The following MTA2 variants were observed in gnomAD, a reference collection of about 807,000 sequenced individuals.
The protein encoded by MTA2 is metastasis-associated protein MTA2.
MTA2 carries 22 observed loss-of-function variants against 87.1 expected under a neutral mutation model. The observed-to-expected ratio is 0.25, with a 90% CI of 0.18 to 0.36. MTA2 has a LOEUF of 0.36. Ranked by LOEUF, MTA2 falls within the 10% of genes least tolerant of loss-of-function variation. The pLI is 1.00. For synonymous variants in MTA2, 314 were observed against 310.1 expected, an observed-to-expected ratio of 1.01 and a Z score of -0.13; for missense variants, 542 against 853.2, an observed-to-expected ratio of 0.64 and a Z score of 4.54.
intron 15 of MTA2, 138 bp from the exon 16 acceptor site, chr11:62,594,772 C>G: frequency 1.1e-6 from 1 of 880,930 alleles, no homozygotes; most frequent in South Asian, 1.6e-5. Flanking sequence ...GGCAAGCTAT[C>G]ACTAGTATTT....
intron 15 of MTA2, 119 bp downstream of exon 15, chr11:62,594,862 C>T (rs1261963769): frequency 3.0e-6 from 3 of 985,262 alleles, no homozygotes; most frequent in African/African-American, 3.3e-5. Context: ...AACAAAAGTA[C>T]AGTTTGTTAG....
intron 1 of MTA2, 192 bp downstream of exon 1, chr11:62,601,230 TG>T: frequency 2.9e-6 from 2 of 684,266 alleles, no homozygotes; most frequent in Non-Finnish European, 4.8e-6. Flanking sequence ...AGCTTCTCTC[TG>T]GGAGTCTCGG....
At position 62,601,546 on chromosome 11, in the gene MTA2, C is replaced by T. The variant is rs12226821; in HGVS notation, c.-96G>A. The T allele has an allele frequency of 2.1e-6, 3 of 1,441,834 alleles. No homozygotes were observed. Among genetic ancestry groups the T allele is most frequent in the African/African-American group, 1.5e-5 (1 of 67,632 alleles). The allele number at this position is 1,441,834 out of a possible 1,614,324, so 89.3% of individuals were successfully genotyped here. A position where few individuals can be genotyped will look rare whatever the true frequency, so the allele number is the denominator to read the frequency against. On this transcript the variant is annotated 5_prime_UTR_variant, in exon 1 of 18. Coordinates refer to ENST00000278823, the MANE Select transcript of MTA2 (RefSeq NM_004739.4). ...AGGCAAAGCCCCGAACGGTGGGCTG[C>T]CGCTTCGAGGGAGTCTCACTGGGGC...
At position 62,601,668 on chromosome 11, in the gene MTA2, G is replaced by A; in HGVS notation, c.-218C>T. On this transcript the variant is annotated 5_prime_UTR_variant, in exon 1 of 18. Transcript: ENST00000278823. ...ATCGCCTCACTCCCGGGACGCTGAG[G>A]CTGGCCCCCGTCCGCTCGGCTTCTT... 1.8e-6 allele frequency: 1 copy of A among 549,786 alleles called. No individual in the cohort carries two copies. The highest frequency in any genetic ancestry group is 2.4e-5 in the South Asian group (1 of 41,416). The allele number at this position is 549,786 out of a possible 1,614,324, so 34.1% of individuals were successfully genotyped here.
intron 1 of MTA2, 39 bp from the exon 2 acceptor site, chr11:62,600,728 A>G (rs189585080): frequency 6.3e-7 from 1 of 1,576,458 alleles, no homozygotes; most frequent in East Asian, 2.2e-5. Context: ...CGAAGATCAG[A>G]GGAGATGGGA....
At position 62,598,150 on chromosome 11, in the gene MTA2, G is replaced by A. The variant is rs371563334; in HGVS notation, c.373-9C>T. On this transcript the variant is annotated splice_polypyrimidine_tract_variant and intron_variant, in intron 5 of 17. Coordinates refer to ENST00000278823, the MANE Select transcript of MTA2 (RefSeq NM_004739.4). ...GAGTAAAAAAAGCAGTCCTGGAATT[G>A]GGGAGAGACAAGGTAAGCAAGGCAG... 2 of 1,613,188 alleles carry A rather than the reference G, an allele frequency of 1.2e-6. No individual in the cohort carries two copies. Among genetic ancestry groups the A allele is most frequent in the Non-Finnish European group, 1.7e-6 (2 of 1,179,354 alleles).
At chr11:62,594,803 T>A (rs1028592747) in intron 15 of MTA2, among the ~76,000 whole-genome samples, 169 bp from the exon 16 acceptor site, 1 of 152,122 alleles carries the variant, frequency 6.6e-6, no homozygotes, top group Non-Finnish European at 1.5e-5. Flanking sequence ...TATGACCTTA[T>A]CAAATCAGTA....
chr11:62,598,628 C>T lies in MTA2; in HGVS notation c.202G>A (p.Glu68Lys). ...LADSNAREFE[E>K]ESKQPGVSEQ... ...GACACCCCTGGCTGCTTTGATTCCTCTTCAAACTCCCCTGGGAGATTAAAG... is the reference window on the plus strand; with the variant it reads ...GACACCCCTGGCTGCTTTGATTCCTTTTCAAACTCCCCTGGGAGATTAAAG... Residue 68 changes from glutamate to lysine, a missense_variant, in exon 4 of 18, where the codon GAG becomes AAG. Physicochemically the swap from Glu to Lys is moderately conservative, Grantham distance 56. Around this residue, in one of 6 missense-constraint regions of MTA2, gnomAD observed 150 missense variants for 243.9 expected, o/e 0.62. Transcript: ENST00000278823. 6.2e-7 allele frequency: 1 copy of T among 1,613,980 alleles called. No homozygotes were observed. Among genetic ancestry groups the T allele is most frequent in the South Asian group, 1.1e-5 (1 of 91,074 alleles).
rs201184667 is a variant in MTA2 at position 62,594,481 on chromosome 11, A to G, written c.1692+35T>C. 3.5e-5 allele frequency: 57 copies of G among 1,612,478 alleles called. No homozygotes were observed. In the East Asian group the frequency reaches 6.9e-4, roughly 20 times the overall value. On this transcript the variant is annotated intron_variant, in intron 16 of 17. Transcript: ENST00000278823. ...TCCTATGAGAGACAAAAGCCCACCC[A>G]ACTCAATCTGGCCCACCCCTTTCTG...
Position 62,597,501 on chromosome 11 carries a change from A to T in MTA2, c.594-86T>A, listed in dbSNP as rs1043100803. 2.6e-6 allele frequency: 4 copies of T among 1,514,926 alleles called. No individual in the cohort carries two copies. The African/African-American group carries it at 5.6e-5, about 21-fold the overall frequency. 93.8% of individuals were successfully genotyped at this position (1,514,926 alleles called of 1,614,324 possible). On this transcript the variant is annotated intron_variant, in intron 7 of 17. Transcript: ENST00000278823. Reference sequence around the variant, plus strand: ...AAATTAAGCCAAAGGAGAAAGAAGGAAAACATCCATGGCAATGAAAGAAAT... The same window carrying T: ...AAATTAAGCCAAAGGAGAAAGAAGGTAAACATCCATGGCAATGAAAGAAAT...
intron 2 of MTA2, 45 bp downstream of exon 2, chr11:62,600,577 A>C: frequency 1.8e-4 from 288 of 1,559,040 alleles, no homozygotes; most frequent in Middle Eastern, 3.4e-4. Flanking sequence ...AAACCTCAGA[A>C]GAGACCACTG....
chr11:62,601,108 C>T (rs901184411), intron 1 of MTA2: 86 of 523,506 alleles, frequency 1.6e-4, no homozygotes, highest in Non-Finnish European at 1.2e-4. Context: ...TCGCCCCAGC[C>T]CCTCGCGTTC....
chr11:62,595,638 C>T lies in MTA2; in HGVS notation c.1254+114G>A. 6.5e-7 allele frequency: 1 copy of T among 1,535,376 alleles called. No homozygotes were observed. Among genetic ancestry groups the T allele is most frequent in the South Asian group, 1.2e-5 (1 of 81,238 alleles). ...ATGTGTCTCCCCAACCAGCATCAAG[C>T]ACCCCGTCCATCAAACCATCACCAT... is the stretch of plus-strand genomic sequence containing the variant. On this transcript the variant is annotated intron_variant, in intron 13 of 17. Transcript: ENST00000278823. This position sits in a 1 kb window ranked among gnomAD's most constrained non-coding sequence, Gnocchi z 4.9.
chr11:62,600,855 T>C (rs925215914), intron 1 of MTA2, among the ~76,000 whole-genome samples, 166 bp from the exon 2 acceptor site: 16 of 152,084 alleles, frequency 1.1e-4, no homozygotes, highest in Non-Finnish European at 1.0e-4. Flanking sequence ...AAAATAAGGA[T>C]GTCCCCCATC....
chr11:62,599,815 A>G (rs1181594056), intron 3 of MTA2, among the ~76,000 whole-genome samples: 1 of 152,106 alleles, frequency 6.6e-6, no homozygotes, highest in African/African-American at 2.4e-5. Flanking sequence ...TCTCAGTACA[A>G]TGTCTTCCTC....
Position 62,595,688 on chromosome 11 carries a change from TCAC to T in MTA2, c.1254+61_1254+63del. ...TATAAAGAGTTGAATATTCTGGCCT[TCAC>T]CTAAGCTCACCATCAATATGCTTAC... On this transcript the variant is annotated intron_variant, in intron 13 of 17. Coordinates refer to ENST00000278823, the MANE Select transcript of MTA2 (RefSeq NM_004739.4). This position sits in a 1 kb window ranked among gnomAD's most constrained non-coding sequence, Gnocchi z 4.9. 6.3e-7 allele frequency: 1 copy of T among 1,593,578 alleles called. No homozygotes were observed. Among genetic ancestry groups the T allele is most frequent in the Non-Finnish European group, 8.6e-7 (1 of 1,168,444 alleles).
Position 62,595,501 on chromosome 11 carries a change from A to G in MTA2, c.1255-9T>C. Reference sequence around the variant, plus strand: ...CCCCTTGAGTGTGGCTCCTAGAAGAAGAGCATAGGAAAGAGAGAGAGCAGA... The same window carrying G: ...CCCCTTGAGTGTGGCTCCTAGAAGAGGAGCATAGGAAAGAGAGAGAGCAGA... On this transcript the variant is annotated splice_polypyrimidine_tract_variant and intron_variant, in intron 13 of 17. Transcript: ENST00000278823. The surrounding 1 kb of genome is among the most constrained non-coding windows in gnomAD (Gnocchi z 4.9). The G allele has an allele frequency of 6.2e-7, 1 of 1,613,616 alleles. No homozygotes were observed. The highest frequency in any genetic ancestry group is 8.5e-7 in the Non-Finnish European group (1 of 1,179,584).
rs1186628357 is a variant in MTA2, at chr11:62,595,074, G to T, written c.1484-4C>A. 2.5e-6 allele frequency: 4 copies of T among 1,613,794 alleles called. No individual in the cohort carries two copies. In the Admixed American group the frequency reaches 5.0e-5, roughly 20 times the overall value. Reference sequence around the variant, plus strand: ...GCCTTAGGAAGTCGAATGGAGCCTGGAGAACAAAGAAGAAAGCTTCTGAAG... The same window carrying T: ...GCCTTAGGAAGTCGAATGGAGCCTGTAGAACAAAGAAGAAAGCTTCTGAAG... On this transcript the variant is annotated splice_region_variant and splice_polypyrimidine_tract_variant and intron_variant, in intron 14 of 17. Coordinates refer to ENST00000278823, the MANE Select transcript of MTA2 (RefSeq NM_004739.4). The surrounding 1 kb of genome is among the most constrained non-coding windows in gnomAD (Gnocchi z 4.9).
rs772159829 is a variant in MTA2, at chr11:62,594,963, C to G, written c.1573+18G>C. 12 of 1,610,798 alleles carry G rather than the reference C, an allele frequency of 7.4e-6. No individual in the cohort carries two copies. The highest frequency in any genetic ancestry group is 1.3e-5 in the African/African-American group (1 of 74,788). On this transcript the variant is annotated intron_variant, in intron 15 of 17. Coordinates refer to ENST00000278823, the MANE Select transcript of MTA2 (RefSeq NM_004739.4). Reference sequence around the variant, plus strand: ...GACTGGGAGCCTGATGCCAACCTCACTGGTCCCCATCCCATACCCAGATCT... The same window carrying G: ...GACTGGGAGCCTGATGCCAACCTCAGTGGTCCCCATCCCATACCCAGATCT...
Sources: gnomAD v4.1 joint callset for allele counts (sites outside exome capture counted in the v4.1 genomes callset) on GRCh38, gnomAD v4.1.1 for gene constraint, gnomAD v4.1.1 regional missense constraint, Gnocchi (gnomAD v3.1) non-coding constraint, MANE v1.5 for transcripts, NCBI Gene and HGNC (gene_info 2026-07-23, HGNC 2026-07-21) for gene names.